The following UBE3C variants were observed in gnomAD, a reference collection of about 807,000 sequenced individuals.
UBE3C encodes the protein ubiquitin-protein ligase E3C.
A neutral mutation model predicts 129.4 loss-of-function variants in UBE3C; 42 were observed. The observed-to-expected ratio is 0.32, with a 90% CI of 0.25 to 0.42. The LOEUF is 0.42. Among genes scored for constraint, UBE3C ranks in the 10% least tolerant of loss-of-function variants. The pLI is 1.00. For missense variants in UBE3C, 1,049 were observed against 1,319.1 expected, an observed-to-expected ratio of 0.80 and a Z score of 3.17; for synonymous variants, 510 against 492.4, an observed-to-expected ratio of 1.04 and a Z score of -0.47.
chr7:157,167,625 C>T (rs1462841663), intron 2 of UBE3C, among the ~76,000 whole-genome samples: 1 of 151,984 alleles, frequency 6.6e-6, no homozygotes, highest in African/African-American at 2.4e-5. Context: ...GCAAGCTCCA[C>T]CTCCCGGGTT....
Position 157,263,597 on chromosome 7 carries a change from G to A in UBE3C, c.3082-3988G>A, listed in dbSNP as rs1420694577. 2.0e-5 allele frequency among the ~76,000 whole-genome samples: 3 copies of A among 151,702 alleles called. No homozygotes were observed. The Middle Eastern group carries it at 0.01, about 520-fold the overall frequency. On this transcript the variant is annotated intron_variant, in intron 22 of 22. Coordinates refer to ENST00000348165, the MANE Select transcript of UBE3C (RefSeq NM_014671.3). ...GAGAATTGCTTGAACCTGGGAGGCA[G>A]AGGTTGCAGTGAGCCGAGATTGTGC...
chr7:157,171,686 ATTTTTTTTTTTTTTTTTTTTTTT>A lies in UBE3C; in HGVS notation c.342+1252_342+1274del, dbSNP rs77471740. Among the ~76,000 whole-genome samples the A allele has an allele frequency of 3.4e-3, 129 of 37,618 alleles. 1 individual carries two copies. The highest frequency in any genetic ancestry group is 0.01 in the African/African-American group (120 of 11,498). 24.7% of individuals were successfully genotyped at this position (37,618 alleles called of 152,430 possible). On this transcript the variant is annotated intron_variant, in intron 4 of 22. Coordinates refer to ENST00000348165, the MANE Select transcript of UBE3C (RefSeq NM_014671.3). ...TATATATATATATATATATATATAT[ATTTTTTTTTTTTTTTTTTTTTTT>A]TTTTTTTTTTTTTTTGAGACAGAGT...
chr7:157,187,499 A>G (rs1443173956), intron 10 of UBE3C, among the ~76,000 whole-genome samples: 1 of 150,544 alleles, frequency 6.6e-6, no homozygotes, highest in Non-Finnish European at 1.5e-5. Flanking sequence ...CTTTCACCCC[A>G]ACCTTCTGAG....
chr7:157,264,272 T>G (rs1448967055), intron 22 of UBE3C, among the ~76,000 whole-genome samples: 2 of 126,848 alleles, frequency 1.6e-5, no homozygotes, highest in Non-Finnish European at 3.2e-5. Flanking sequence ...GTACTACAGG[T>G]GTAAGCCAAC....
intron 19 of UBE3C, among the ~76,000 whole-genome samples, chr7:157,251,029 TC>T (rs1477893790): frequency 6.6e-6 from 1 of 152,164 alleles, no homozygotes; most frequent in Non-Finnish European, 1.5e-5. Context: ...TCATAGAGAT[TC>T]CCACTGAGTT....
chr7:157,260,278 A>T (rs1796865712), intron 22 of UBE3C, among the ~76,000 whole-genome samples: 2 of 152,224 alleles, frequency 1.3e-5, no homozygotes, highest in Admixed American at 6.5e-5. Context: ...AACTGACGTA[A>T]TGAAAGAAAA....
rs181186206 is a variant in UBE3C, at chr7:157,240,216, G to A, written c.2482-8152G>A. On this transcript the variant is annotated intron_variant, in intron 18 of 22. Coordinates refer to ENST00000348165, the MANE Select transcript of UBE3C (RefSeq NM_014671.3). ...ACTACGGACACCCACCACCACGCCC[G>A]GCTAATTTTTGTGTTTTTTGTAGAG... is the stretch of plus-strand genomic sequence containing the variant. Among the ~76,000 whole-genome samples, 371 of 152,146 alleles carry A rather than the reference G, an allele frequency of 2.4e-3. 1 individual carries two copies. The highest frequency in any genetic ancestry group is 3.7e-3 in the Non-Finnish European group (250 of 68,006).
At chr7:157,252,594 G>A (rs1043908815) in intron 19 of UBE3C, among the ~76,000 whole-genome samples, 5 of 152,174 alleles carry the variant, frequency 3.3e-5, no homozygotes, top group East Asian at 1.9e-4. Flanking sequence ...ACCAGCAAAC[G>A]AGTCTCCTAT....
At chr7:157,191,206 C>T (rs542047018) in intron 10 of UBE3C, among the ~76,000 whole-genome samples, 38 of 152,314 alleles carry the variant, frequency 2.5e-4, no homozygotes, top group Non-Finnish European at 5.9e-5. Flanking sequence ...TTTAGATAAA[C>T]AGCGGTGCGC....
intron 13 of UBE3C, among the ~76,000 whole-genome samples, chr7:157,213,756 G>A (rs1460712709): frequency 6.6e-6 from 1 of 152,176 alleles, no homozygotes; most frequent in Non-Finnish European, 1.5e-5. Flanking sequence ...TTTGGTATTT[G>A]ATATTCTAAA....
At chr7:157,230,919 T>C (rs1284315757) in intron 17 of UBE3C, among the ~76,000 whole-genome samples, 161 bp from the exon 18 acceptor site, 4 of 152,150 alleles carry the variant, frequency 2.6e-5, no homozygotes, top group Non-Finnish European at 4.4e-5. Flanking sequence ...AGCAAGACTC[T>C]GTCTCAAAAA....
chr7:157,252,466 T>G (rs1318735448), intron 19 of UBE3C, among the ~76,000 whole-genome samples: 1 of 152,226 alleles, frequency 6.6e-6, no homozygotes, highest in Non-Finnish European at 1.5e-5. Context: ...GTTCCAAACC[T>G]TAGGAAGTGA....
chr7:157,269,286 G>T lies in UBE3C; in HGVS notation c.*1531G>T, dbSNP rs992757931. 1 of 152,244 alleles carries T rather than the reference G, an allele frequency of 6.6e-6. No homozygotes were observed. The highest frequency in any genetic ancestry group is 1.5e-5 in the Non-Finnish European group (1 of 68,008). The allele number at this position is 152,244 out of a possible 1,614,324, so 9.4% of individuals were successfully genotyped here. ...GAAATTGACAATTCACTTATTTGTG[G>T]TTTTTTTCTCAGCTATTCTGAGCTT... On this transcript the variant is annotated 3_prime_UTR_variant, in exon 23 of 23. Transcript: ENST00000348165.
chr7:157,184,871 CAAAG>C lies in UBE3C; in HGVS notation c.1143+847_1143+850del, dbSNP rs569062994. ...ATTTTTTTTAAAAAATAAGAGAAGACAAAGAAAGGAACAGAAGATATTCACTGCC... is the reference window on the plus strand; with the variant it reads ...ATTTTTTTTAAAAAATAAGAGAAGACAAAGGAACAGAAGATATTCACTGCC... On this transcript the variant is annotated intron_variant, in intron 9 of 22. Coordinates refer to ENST00000348165, the MANE Select transcript of UBE3C (RefSeq NM_014671.3). Among the ~76,000 whole-genome samples, 59 of 152,042 alleles carry C rather than the reference CAAAG, an allele frequency of 3.9e-4. 1 individual carries two copies. Among genetic ancestry groups the C allele is most frequent in the East Asian group, 2.1e-3 (11 of 5,178 alleles).
intron 5 of UBE3C, among the ~76,000 whole-genome samples, chr7:157,175,809 T>C (rs1300485285): frequency 6.6e-6 from 1 of 152,236 alleles, no homozygotes; most frequent in Non-Finnish European, 1.5e-5. Flanking sequence ...CTTATTTCTT[T>C]AATAAACTTT....
rs1808751249 is a variant in UBE3C at position 157,184,310 on chromosome 7, A to G, written c.1143+281A>G. On this transcript the variant is annotated intron_variant, in intron 9 of 22. Transcript: ENST00000348165. ...CTATATGTTAACTTAGTTATTAGGA[A>G]ATATTTTCTGGAAGTGAAATTGTTG... Among the ~76,000 whole-genome samples the G allele has an allele frequency of 2.6e-5, 4 of 152,156 alleles. 1 individual carries two copies. Among genetic ancestry groups the G allele is most frequent in the African/African-American group, 2.4e-5 (1 of 41,430 alleles).
chr7:157,267,788 C>CA lies in UBE3C; in HGVS notation c.*33_*34insA. The stretch of plus-strand genomic sequence containing the variant: ...GCTGGGGTCAGACCCCTACAGAGAA[C>CA]CAGTGCTTCCTTCGTCAGCAGCGCC... On this transcript the variant is annotated 3_prime_UTR_variant, in exon 23 of 23. Coordinates refer to ENST00000348165, the MANE Select transcript of UBE3C (RefSeq NM_014671.3). 6.6e-7 allele frequency: 1 copy of CA among 1,524,878 alleles called. No individual in the cohort carries two copies. The highest frequency in any genetic ancestry group is 1.3e-5 in the South Asian group (1 of 76,560). The allele number at this position is 1,524,878 out of a possible 1,614,324, so 94.5% of individuals were successfully genotyped here. A position where few individuals can be genotyped will look rare whatever the true frequency, so the allele number is the denominator to read the frequency against.
At chr7:157,257,981 T>C (rs1563077885) in intron 22 of UBE3C, among the ~76,000 whole-genome samples, 1 of 150,644 alleles carries the variant, frequency 6.6e-6, no homozygotes, top group Non-Finnish European at 1.5e-5. Flanking sequence ...GAGCACTCGC[T>C]GTATCACCCA....
chr7:157,250,447 A>G (rs1796594400), intron 19 of UBE3C, among the ~76,000 whole-genome samples: 1 of 151,868 alleles, frequency 6.6e-6, no homozygotes. Flanking sequence ...TCAACCTCCC[A>G]AAGTGCTGGG....
Sources: gnomAD v4.1 joint callset for allele counts (sites outside exome capture counted in the v4.1 genomes callset) on GRCh38, gnomAD v4.1.1 for gene constraint, MANE v1.5 for transcripts, NCBI Gene and HGNC (gene_info 2026-07-23, HGNC 2026-07-21) for gene names.